RBM47: variants seen among roughly 807,000 people sequenced by gnomAD.
RBM47 encodes the protein RNA binding motif protein 47.
Under a neutral mutation model 47.1 loss-of-function variants are expected in RBM47, and 21 were observed. The ratio of observed to expected loss-of-function variants is 0.45; its 90% CI spans 0.32 to 0.64. RBM47 has a LOEUF of 0.64. Ranked by LOEUF, RBM47 falls within the 30% of genes least tolerant of loss-of-function variation. The probability of loss-of-function intolerance (pLI) is 0.05; values close to 1 mark genes in which losing one functional copy is unlikely to be tolerated. For synonymous variants in RBM47, 375 were observed against 361.7 expected (o/e 1.04, Z -0.42); for missense variants, 708 against 870.9 (o/e 0.81, Z 2.35).
At chr4:40,573,807 A>AGAGAAAGAAAGAAAATAAAGAAAGAAAG (rs1553903540) in intron 1 of RBM47, among the ~76,000 whole-genome samples, 1 of 136,662 alleles carries the variant, frequency 7.3e-6, no homozygotes, top group African/African-American at 3.0e-5. Flanking sequence ...GAAAGAAAGA[A>AGAGAAAGAAAGAAAATAAAGAAAGAAAG]AAAGAAAGAA....
intron 1 of RBM47, among the ~76,000 whole-genome samples, chr4:40,585,514 C>T (rs959417931): frequency 1.8e-4 from 27 of 152,134 alleles, no homozygotes; most frequent in Non-Finnish European, 2.5e-4. Context: ...AGAAAAAGCA[C>T]GTACATTATA....
intron 1 of RBM47, among the ~76,000 whole-genome samples, chr4:40,600,272 A>G (rs536240223): frequency 9.3e-5 from 14 of 151,086 alleles, no homozygotes; most frequent in African/African-American, 2.9e-4. Flanking sequence ...CTCTGCCTCC[A>G]AAAGTGTTGG....
intron 2 of RBM47, among the ~76,000 whole-genome samples, chr4:40,477,098 G>A (rs533923368): frequency 3.9e-4 from 60 of 152,218 alleles, no homozygotes; most frequent in African/African-American, 1.3e-3. Context: ...CATGAGAATC[G>A]CTAGAACCTG....
intron 1 of RBM47, among the ~76,000 whole-genome samples, chr4:40,624,404 G>A (rs1737541660): frequency 6.6e-6 from 1 of 151,968 alleles, no homozygotes; most frequent in Non-Finnish European, 1.5e-5. Context: ...CTCACCACAT[G>A]ACCAAACGTT....
At chr4:40,443,373 A>G (rs936753520) in intron 3 of RBM47, among the ~76,000 whole-genome samples, 1 of 152,144 alleles carries the variant, frequency 6.6e-6, no homozygotes, top group African/African-American at 2.4e-5. Context: ...GATGCAAAAA[A>G]GACAAAAATT....
intron 2 of RBM47, among the ~76,000 whole-genome samples, chr4:40,483,649 T>C (rs959181152): frequency 6.6e-6 from 1 of 152,130 alleles, no homozygotes; most frequent in Non-Finnish European, 1.5e-5. Flanking sequence ...TGAGCTGAGA[T>C]TGTGCCACTG....
At chr4:40,538,202 C>G (rs1204849431) in intron 2 of RBM47, among the ~76,000 whole-genome samples, 3 of 152,012 alleles carry the variant, frequency 2.0e-5, no homozygotes, top group African/African-American at 7.3e-5. Flanking sequence ...GAGGTCCAGA[C>G]AAGAGGGTAG....
chr4:40,576,254 T>C (rs1417035656), intron 1 of RBM47, among the ~76,000 whole-genome samples: 1 of 69,784 alleles, frequency 1.4e-5, no homozygotes, highest in Admixed American at 1.5e-4. Flanking sequence ...TTTTTTTTTT[T>C]TTGGGGGGGG....
At chr4:40,463,316 C>A (rs1275057649) in intron 3 of RBM47, among the ~76,000 whole-genome samples, 4 of 152,144 alleles carry the variant, frequency 2.6e-5, no homozygotes, top group Non-Finnish European at 5.9e-5. Flanking sequence ...ATCAAAGCCA[C>A]CATGATATAC....
intron 1 of RBM47, among the ~76,000 whole-genome samples, chr4:40,603,745 G>A (rs761036477): frequency 1.2e-4 from 18 of 152,118 alleles, no homozygotes; most frequent in Non-Finnish European, 2.6e-4. Context: ...GGGATGACAG[G>A]AGCACACCAC....
In RBM47 at chr4:40,623,996, C is replaced by T. The variant is rs555341824; in HGVS notation, c.-240+5400G>A. Among the ~76,000 whole-genome samples, 22 of 152,206 alleles carry T rather than the reference C, an allele frequency of 1.4e-4. No individual in the cohort carries two copies. The East Asian group carries it at 3.9e-3, about 27-fold the overall frequency. ...CCTCCCTGGTAGCTGGGATTACAGGCGTGTACCACCACGCCTGGCTAATTT... is the reference window on the plus strand; with the variant it reads ...CCTCCCTGGTAGCTGGGATTACAGGTGTGTACCACCACGCCTGGCTAATTT... On this transcript the variant is annotated intron_variant, in intron 1 of 6. Transcript: ENST00000295971.
intron 1 of RBM47, among the ~76,000 whole-genome samples, chr4:40,565,487 G>C (rs1207679962): frequency 6.6e-6 from 1 of 152,176 alleles, no homozygotes; most frequent in East Asian, 1.9e-4. Flanking sequence ...TCAAGCAGCA[G>C]CTCTCCACTA....
chr4:40,551,857 C>G (rs1729598338), intron 1 of RBM47, among the ~76,000 whole-genome samples: 2 of 151,836 alleles, frequency 1.3e-5, no homozygotes, highest in African/African-American at 4.8e-5. Flanking sequence ...CTATGTTGGC[C>G]AGGCTAGTCT....
intron 3 of RBM47, among the ~76,000 whole-genome samples, chr4:40,444,866 T>C (rs1377991617): frequency 1.3e-5 from 2 of 151,410 alleles, no homozygotes; most frequent in East Asian, 4.0e-4. Flanking sequence ...GGTTTCACCA[T>C]GTTTGCCAGG....
rs779318304 is a variant in RBM47, at chr4:40,438,233, G to C, written c.661C>G (p.Leu221Val). Residue 221 changes from leucine (L) to valine (V), a missense_variant, in exon 4 of 7, where the codon CTG (leucine) becomes GTG (valine). Physicochemically the swap from Leu to Val is conservative, Grantham distance 32. Transcript: ENST00000295971. ...RRKLMPGRIQ[L>V]WGHQIAVDWA... ...TCCACGGCGATCTGGTGGCCCCACA[G>C]CTGGATGCGGCCAGGCATGAGCTTG... is the stretch of plus-strand genomic sequence containing the variant. The C allele has an allele frequency of 3.2e-5, 51 of 1,605,010 alleles. No individual in the cohort carries two copies. Among genetic ancestry groups the C allele is most frequent in the Non-Finnish European group, 4.2e-5 (50 of 1,179,950 alleles).
chr4:40,623,208 C>A (rs1013979802), intron 1 of RBM47, among the ~76,000 whole-genome samples: 3 of 152,136 alleles, frequency 2.0e-5, no homozygotes, highest in African/African-American at 4.8e-5. Context: ...CTGACATATA[C>A]CTTGAGGTAG....
chr4:40,494,042 A>G (rs1367083409), intron 2 of RBM47, among the ~76,000 whole-genome samples: 1 of 152,220 alleles, frequency 6.6e-6, no homozygotes, highest in Non-Finnish European at 1.5e-5. Context: ...TAACTTTGCC[A>G]AAGAACAATG....
chr4:40,545,356 T>A (rs1448783092), intron 1 of RBM47, among the ~76,000 whole-genome samples: 1 of 144,626 alleles, frequency 6.9e-6, no homozygotes, highest in East Asian at 2.3e-4. Flanking sequence ...CGGCCTGAGA[T>A]CCTGTCTTTA....
intron 3 of RBM47, among the ~76,000 whole-genome samples, chr4:40,439,662 A>G (rs1211650959): frequency 2.0e-5 from 3 of 152,174 alleles, no homozygotes; most frequent in Non-Finnish European, 4.4e-5. Flanking sequence ...AAACCACACT[A>G]TTGTTTTCAG....
Sources: gnomAD v4.1 joint callset for allele counts (sites outside exome capture counted in the v4.1 genomes callset) on GRCh38, gnomAD v4.1.1 for gene constraint, MANE v1.5 for transcripts, NCBI Gene and HGNC (gene_info 2026-07-23, HGNC 2026-07-21) for gene names.